SRBD1: variants seen among roughly 807,000 people sequenced by gnomAD.
SRBD1 encodes the protein S1 RNA-binding domain-containing protein 1.
SRBD1 carries 88 observed loss-of-function variants against 115.3 expected under a neutral mutation model. The observed-to-expected ratio is 0.76, with a 90% CI of 0.64 to 0.91. SRBD1 has a LOEUF of 0.91. SRBD1 is among the 40% of genes least tolerant of loss of function. The pLI is 0.00. For synonymous variants in SRBD1, 509 were observed against 407.7 expected (o/e 1.25, Z -2.99); for missense variants, 1,385 against 1,177.4 (o/e 1.18, Z -2.58).
At position 45,389,600 on chromosome 2, in the gene SRBD1, C is replaced by G; in HGVS notation, c.2699-1G>C. 6.2e-7 allele frequency: 1 copy of G among 1,608,614 alleles called. No individual in the cohort carries two copies. Among genetic ancestry groups the G allele is most frequent in the Non-Finnish European group, 8.5e-7 (1 of 1,177,964 alleles). On this transcript the variant is annotated splice_acceptor_variant, in intron 20 of 20. Coordinates refer to ENST00000263736, the MANE Select transcript of SRBD1 (RefSeq NM_018079.5). LOFTEE classifies it high-confidence loss of function. ...CTCTTGAAATCAGGTTTATCAAAAT[C>G]TGTAAGAGAAAAAAAGTAAGTGTAA...
At chr2:45,420,987 C>T in intron 16 of SRBD1, among the ~76,000 whole-genome samples, 1 of 152,268 alleles carries the variant, frequency 6.6e-6, no homozygotes, top group Admixed American at 6.5e-5. Flanking sequence ...AGGTTATTAA[C>T]AGAAGACATT....
intron 16 of SRBD1, among the ~76,000 whole-genome samples, chr2:45,446,559 G>C (rs137894215): frequency 3.5e-4 from 53 of 152,176 alleles, no homozygotes; most frequent in African/African-American, 1.2e-3. Context: ...GGTCCTAACA[G>C]TCCAATATTG....
At chr2:45,573,440 T>C in intron 8 of SRBD1, 98 bp from the exon 9 acceptor site, 1 of 1,423,584 alleles carries the variant, frequency 7.0e-7, no homozygotes, top group Non-Finnish European at 9.2e-7. Context: ...AGTTAAGCCA[T>C]TACCAAGTGA....
intron 9 of SRBD1, among the ~76,000 whole-genome samples, chr2:45,570,789 G>T (rs1214508011): frequency 6.6e-6 from 1 of 152,090 alleles, no homozygotes; most frequent in African/African-American, 2.4e-5. Flanking sequence ...AAATAACTAT[G>T]GTTGTGTGTT....
At chr2:45,424,978 C>T (rs533115399) in intron 16 of SRBD1, among the ~76,000 whole-genome samples, 1 of 152,228 alleles carries the variant, frequency 6.6e-6, no homozygotes, top group South Asian at 2.1e-4. Context: ...GCTAACTTAG[C>T]GAGAATGGCA....
intron 19 of SRBD1, among the ~76,000 whole-genome samples, chr2:45,403,736 G>C (rs542796132): frequency 2.1e-4 from 32 of 152,236 alleles, no homozygotes; most frequent in African/African-American, 7.2e-4. Context: ...CCTATTATGA[G>C]TAAGTGGGGT....
intron 16 of SRBD1, among the ~76,000 whole-genome samples, chr2:45,457,513 G>T (rs1191452842): frequency 1.3e-5 from 2 of 151,876 alleles, no homozygotes; most frequent in Non-Finnish European, 2.9e-5. Flanking sequence ...AATTAAGCTA[G>T]AAGTAATCTT....
At chr2:45,414,516 T>C (rs1237616744) in intron 18 of SRBD1, among the ~76,000 whole-genome samples, 6 of 149,278 alleles carry the variant, frequency 4.0e-5, no homozygotes, top group African/African-American at 9.9e-5. Flanking sequence ...TGTACACACA[T>C]AGTGTGTATA....
chr2:45,540,168 C>T (rs1671889097), intron 14 of SRBD1, among the ~76,000 whole-genome samples: 1 of 151,950 alleles, frequency 6.6e-6, no homozygotes, highest in East Asian at 1.9e-4. Flanking sequence ...CAGTGAAACC[C>T]TGTCTCTACT....
chr2:45,597,374 C>G (rs1189826925), intron 4 of SRBD1, among the ~76,000 whole-genome samples: 2 of 150,804 alleles, frequency 1.3e-5, no homozygotes, highest in Admixed American at 6.6e-5. Context: ...GAGCCAAGAT[C>G]GCGCCACTGT....
chr2:45,487,683 C>T (rs946867315), intron 15 of SRBD1, among the ~76,000 whole-genome samples: 5 of 151,990 alleles, frequency 3.3e-5, no homozygotes, highest in Admixed American at 6.6e-5. Context: ...TTGAGAGAGT[C>T]TTGCTCTGTC....
intron 14 of SRBD1, among the ~76,000 whole-genome samples, chr2:45,515,352 A>G (rs1041191993): frequency 2.0e-5 from 3 of 152,220 alleles, no homozygotes; most frequent in African/African-American, 7.2e-5. Flanking sequence ...TACAACTAGT[A>G]GGTGGCAGAG....
intron 14 of SRBD1, among the ~76,000 whole-genome samples, chr2:45,521,771 A>G (rs185767323): frequency 1.1e-4 from 17 of 152,194 alleles, no homozygotes; most frequent in African/African-American, 3.1e-4. Flanking sequence ...GTTCTACACT[A>G]GCCTGGGCAA....
intron 14 of SRBD1, among the ~76,000 whole-genome samples, chr2:45,536,255 T>C (rs1454077309): frequency 6.6e-6 from 1 of 151,810 alleles, no homozygotes; most frequent in Non-Finnish European, 1.5e-5. Flanking sequence ...TGTTCCAAAC[T>C]TGGTTTGGCA....
intron 15 of SRBD1, among the ~76,000 whole-genome samples, chr2:45,484,841 A>G (rs142070904): frequency 1.2e-3 from 180 of 152,296 alleles, no homozygotes; most frequent in African/African-American, 4.1e-3. Flanking sequence ...TACAATATGT[A>G]GTCTTTTGGG....
At chr2:45,419,134 A>G (rs1347017905) in intron 17 of SRBD1, among the ~76,000 whole-genome samples, 1 of 152,224 alleles carries the variant, frequency 6.6e-6, no homozygotes, top group African/African-American at 2.4e-5. Context: ...TGAAATTATG[A>G]AATGTTTGTA....
intron 6 of SRBD1, 93 bp downstream of exon 6, chr2:45,581,600 T>TA: frequency 1.2e-6 from 1 of 858,906 alleles, no homozygotes; most frequent in South Asian, 1.7e-5. Context: ...CTAATGACGT[T>TA]AGCTTTTTAT....
At chr2:45,594,512 T>C (rs904925438) in intron 4 of SRBD1, among the ~76,000 whole-genome samples, 1 of 152,152 alleles carries the variant, frequency 6.6e-6, no homozygotes, top group Non-Finnish European at 1.5e-5. Context: ...CAAAATAACT[T>C]TAACAAAAAC....
chr2:45,428,509 C>T (rs1338717978), intron 16 of SRBD1, among the ~76,000 whole-genome samples: 1 of 152,076 alleles, frequency 6.6e-6, no homozygotes, highest in Admixed American at 6.5e-5. Context: ...CGAGACTGCG[C>T]CACTGCACCT....
Sources: gnomAD v4.1 joint callset for allele counts (sites outside exome capture counted in the v4.1 genomes callset) on GRCh38, gnomAD v4.1.1 for gene constraint, MANE v1.5 for transcripts, NCBI Gene and HGNC (gene_info 2026-07-23, HGNC 2026-07-21) for gene names.